TROAP: variants seen among roughly 807,000 people sequenced by gnomAD.
The protein encoded by TROAP is trophinin associated protein, also known as tastin.
Under a neutral mutation model 83.4 loss-of-function variants are expected in TROAP, and 62 were observed. That is an observed-to-expected ratio of 0.74 (90% confidence interval 0.61 to 0.92). The LOEUF (loss-of-function observed/expected upper bound fraction) is 0.92, where lower values mean the gene tolerates loss of function less well. TROAP is among the 40% of genes least tolerant of loss of function. The pLI, the probability that TROAP is intolerant of heterozygous loss-of-function variation, is 0.00. For missense variants in TROAP, 876 were observed against 985.1 expected (o/e 0.89, Z 1.48); for synonymous variants, 352 against 386.4 (o/e 0.91, Z 1.04).
chr12:49,331,122 T>C lies in TROAP; in HGVS notation c.2099-92T>C, dbSNP rs760576758. 131 of 1,572,902 alleles carry C rather than the reference T, an allele frequency of 8.3e-5. 2 individuals carry two copies. The South Asian group carries it at 1.4e-3, about 17-fold the overall frequency. ...GCACTTCCAGCCCTGTGCTCCTAAT[T>C]GGCTTGGCCGTTGGTGGGGGAGGAG... On this transcript the variant is annotated intron_variant, in intron 13 of 14. Coordinates refer to ENST00000257909, the MANE Select transcript of TROAP (RefSeq NM_005480.4).
In TROAP at chr12:49,329,863, G is replaced by A. The variant is rs1592313386; in HGVS notation, c.1171G>A (p.Val391Ile). 6.2e-7 allele frequency: 1 copy of A among 1,613,872 alleles called. No homozygotes were observed. The highest frequency in any genetic ancestry group is 8.5e-7 in the Non-Finnish European group (1 of 1,179,894). Residue 391 changes from valine (V) to isoleucine (I), a missense_variant, in exon 12 of 15, where the codon GTT becomes ATT. Physicochemically the swap from Val to Ile is conservative, Grantham distance 29. Transcript: ENST00000257909. The surrounding 1 kb of genome is among the most constrained non-coding windows in gnomAD (Gnocchi z 4.5). ...SEDPALPWEQ[V>I]AVRLFDQESC... ...CCTTGTTCCTTGGTGACAGGAGCAGGTTGCCGTCCGGTTGTTTGACCAGGA... is the reference window on the plus strand; with the variant it reads ...CCTTGTTCCTTGGTGACAGGAGCAGATTGCCGTCCGGTTGTTTGACCAGGA...
In TROAP at chr12:49,323,767, A is replaced by G. The variant is rs1369959887; in HGVS notation, c.144+15A>G. 2.5e-6 allele frequency: 4 copies of G among 1,614,062 alleles called. No individual in the cohort carries two copies. Among genetic ancestry groups the G allele is most frequent in the Non-Finnish European group, 3.4e-6 (4 of 1,180,004 alleles). On this transcript the variant is annotated intron_variant, in intron 2 of 14. Transcript: ENST00000257909. The stretch of plus-strand genomic sequence containing the variant: ...AAGATCCAAGGGTAAGAGGGGCCTA[A>G]TGGGGGAAGACAGTAGTCACACCAG...
Position 49,329,748 on chromosome 12 carries a change from G to A in TROAP, c.1165-109G>A. On this transcript the variant is annotated intron_variant, in intron 11 of 14. Transcript: ENST00000257909. The surrounding 1 kb of genome is among the most constrained non-coding windows in gnomAD (Gnocchi z 4.5). ...TGCTGCCCCTCCTAATGTACATCTA[G>A]GGCCTCTCAGTTAGGGGCTTCAATC... The A allele has an allele frequency of 6.8e-7, 1 of 1,468,446 alleles. No homozygotes were observed. The highest frequency in any genetic ancestry group is 1.3e-5 in the South Asian group (1 of 74,860). 91.0% of individuals were successfully genotyped at this position (1,468,446 alleles called of 1,614,324 possible). A position where few individuals can be genotyped will look rare whatever the true frequency, so the allele number is the denominator to read the frequency against.
rs1943489771 is a variant in TROAP, at chr12:49,325,761, T to A, written c.510T>A (p.Ser170=). Residue 170 remains serine, a synonymous_variant, in exon 5 of 15, where the codon TCT becomes TCA. Coordinates refer to ENST00000257909, the MANE Select transcript of TROAP (RefSeq NM_005480.4). The part of the protein sequence containing the change: ...TTQRVQGVRA[S]AYLAPRTPTH... ...TGGTGTCCCAGGGTGTTCGGGCCTC[T>A]GCATATTTGGCCCCCAGAACCCCCA... 6.2e-7 allele frequency: 1 copy of A among 1,613,754 alleles called. No homozygotes were observed. Among genetic ancestry groups the A allele is most frequent in the African/African-American group, 1.3e-5 (1 of 74,930 alleles).
At position 49,328,732 on chromosome 12, in the gene TROAP, C is replaced by T. The variant is rs1159918224; in HGVS notation, c.892-195C>T. The stretch of plus-strand genomic sequence containing the variant: ...ACAAAAAATTAGCCGGGCATGGTGG[C>T]GGGCACCTGTAGTCCCAGCTACTCG... On this transcript the variant is annotated intron_variant, in intron 8 of 14. Coordinates refer to ENST00000257909, the MANE Select transcript of TROAP (RefSeq NM_005480.4). Among the ~76,000 whole-genome samples, 7 of 151,994 alleles carry T rather than the reference C, an allele frequency of 4.6e-5. No individual in the cohort carries two copies. In the South Asian group the frequency reaches 1.0e-3, roughly 23 times the overall value.
At position 49,331,696 on chromosome 12, in the gene TROAP, C is replaced by A; in HGVS notation, c.*79C>A. On this transcript the variant is annotated 3_prime_UTR_variant, in exon 15 of 15. Coordinates refer to ENST00000257909, the MANE Select transcript of TROAP (RefSeq NM_005480.4). ...GTCGGTCTGCCCATGGGACTGGGAG[C>A]CGCCCACTTTTGTCCTCAATAAAGT... 2 of 1,580,742 alleles carry A rather than the reference C, an allele frequency of 1.3e-6. No homozygotes were observed. The highest frequency in any genetic ancestry group is 1.7e-6 in the Non-Finnish European group (2 of 1,152,608).
Position 49,329,730 on chromosome 12 carries a change from C to A in TROAP, c.1165-127C>A. On this transcript the variant is annotated intron_variant, in intron 11 of 14. Transcript: ENST00000257909. This position sits in a 1 kb window ranked among gnomAD's most constrained non-coding sequence, Gnocchi z 4.5. ...TAACTCTCACTGCTTCTCTGCTGCCCCTCCTAATGTACATCTAGGGCCTCT... is the reference window on the plus strand; with the variant it reads ...TAACTCTCACTGCTTCTCTGCTGCCACTCCTAATGTACATCTAGGGCCTCT... 1 of 1,369,680 alleles carries A rather than the reference C, an allele frequency of 7.3e-7. No homozygotes were observed. 84.8% of individuals were successfully genotyped at this position (1,369,680 alleles called of 1,614,324 possible).
chr12:49,331,047 C>A (rs763091463), intron 13 of TROAP, 104 bp downstream of exon 13: 1 of 1,548,648 alleles, frequency 6.5e-7, no homozygotes, highest in South Asian at 1.1e-5. Context: ...TGCTTCCACA[C>A]CTTCCACCCT....
Position 49,324,053 on chromosome 12 carries a change from A to G in TROAP, c.337+16A>G. The G allele has an allele frequency of 1.9e-6, 3 of 1,612,112 alleles. No individual in the cohort carries two copies. The East Asian group carries it at 6.7e-5, about 36-fold the overall frequency. ...GCCCAGACAGGTACCTGTTGGAGCCATGGTAACACGGCCTCCATGGCTGAG... is the reference window on the plus strand; with the variant it reads ...GCCCAGACAGGTACCTGTTGGAGCCGTGGTAACACGGCCTCCATGGCTGAG... On this transcript the variant is annotated intron_variant, in intron 3 of 14. Transcript: ENST00000257909.
At chr12:49,324,062 C>A in intron 3 of TROAP, 25 bp downstream of exon 3, 1 of 1,611,578 alleles carries the variant, frequency 6.2e-7, no homozygotes, top group Non-Finnish European at 8.5e-7. Context: ...CATGGTAACA[C>A]GGCCTCCATG....
Position 49,331,271 on chromosome 12 carries a change from T to C in TROAP, c.2156T>C (p.Leu719Ser), listed in dbSNP as rs545155075. The C allele has an allele frequency of 9.6e-5, 155 of 1,614,200 alleles. 1 individual carries two copies. In the Middle Eastern group the frequency reaches 1.3e-3, roughly 14 times the overall value. The change falls in exon 14 of 15, where the codon TTA becomes TCA. Residue 719 changes from leucine to serine, a missense_variant. Leu to Ser is a moderately radical substitution (Grantham distance 145). This residue lies in a region of TROAP where 184 missense variants were observed against 238.3 expected (regional missense o/e 0.77). Coordinates refer to ENST00000257909, the MANE Select transcript of TROAP (RefSeq NM_005480.4). The stretch of plus-strand genomic sequence containing the variant: ...CTGAGGGAGCGCCTCAAATCGTGTT[T>C]AACCGCCATCCACTGCTTCCACGAG... Reference protein sequence around the residue: ...LALRERLKSCLTAIHCFHEAR... With the variant: ...LALRERLKSCSTAIHCFHEAR...
At chr12:49,324,346 AAAATAAAT>A (rs562607745) in intron 3 of TROAP, 6 of 583,276 alleles carry the variant, frequency 1.0e-5, no homozygotes, top group Non-Finnish European at 1.8e-5. Context: ...ATCTCTTTAA[AAAATAAAT>A]AAATAAATAA....
chr12:49,329,006 C>T lies in TROAP; in HGVS notation c.971C>T (p.Ser324Leu). 1 of 1,611,536 alleles carries T rather than the reference C, an allele frequency of 6.2e-7. No individual in the cohort carries two copies. Among genetic ancestry groups the T allele is most frequent in the Non-Finnish European group, 8.5e-7 (1 of 1,178,340 alleles). ...CCTGGCCATGTGGTGCCATGTCCATCACCCTTTGGACGGGCTCAGCGTGTA... is the reference window on the plus strand; with the variant it reads ...CCTGGCCATGTGGTGCCATGTCCATTACCCTTTGGACGGGCTCAGCGTGTA... Reference protein sequence around the residue: ...PLPGHVVPCPSPFGRAQRVPS... With the variant: ...PLPGHVVPCPLPFGRAQRVPS... Residue 324 changes from serine (S) to leucine (L), a missense_variant, in exon 9 of 15, where the codon TCA becomes TTA. Physicochemically the swap from Ser to Leu is moderately radical, Grantham distance 145. Around this residue, in one of 3 missense-constraint regions of TROAP, gnomAD observed 689 missense variants for 722.6 expected, o/e 0.95. Transcript: ENST00000257909. The surrounding 1 kb of genome is among the most constrained non-coding windows in gnomAD (Gnocchi z 4.5).
rs1416218083 is a variant in TROAP at position 49,326,143 on chromosome 12, C to T, written c.701C>T (p.Thr234Ile). Residue 234 changes from threonine to isoleucine, a missense_variant, in exon 6 of 15, where the codon ACA becomes ATA. Around this residue, in one of 3 missense-constraint regions of TROAP, gnomAD observed 689 missense variants for 722.6 expected, o/e 0.95. Transcript: ENST00000257909. The stretch of plus-strand genomic sequence containing the variant: ...AGTTTCCAGGAGCTAAGAAGGGAGA[C>T]AGCTGGCAGCAGCCGGTGAGAAAGG... ...RPSFQELRRE[T>I]AGSSRTSVSQ... 1.2e-6 allele frequency: 2 copies of T among 1,613,976 alleles called. No individual in the cohort carries two copies. Among genetic ancestry groups the T allele is most frequent in the South Asian group, 1.1e-5 (1 of 91,076 alleles).
rs1258265062 is a variant in TROAP, at chr12:49,330,366, G to A, written c.1521G>A (p.Glu507=). 1 of 1,614,158 alleles carries A rather than the reference G, an allele frequency of 6.2e-7. No homozygotes were observed. Among genetic ancestry groups the A allele is most frequent in the South Asian group, 1.1e-5 (1 of 91,090 alleles). The change falls in exon 13 of 15, where the codon GAG becomes GAA. Residue 507 remains glutamate (E), a synonymous_variant. Transcript: ENST00000257909. The part of the protein sequence containing the change: ...HSGLPKPCLP[E]ECGEPQPCPP... ...GGCTGCCAAAGCCCTGTCTTCCAGAGGAGTGCGGGGAACCACAGCCCTGCC... is the reference window on the plus strand; with the variant it reads ...GGCTGCCAAAGCCCTGTCTTCCAGAAGAGTGCGGGGAACCACAGCCCTGCC...
chr12:49,329,628 C>T lies in TROAP; in HGVS notation c.1164+174C>T. 1 of 982,574 alleles carries T rather than the reference C, an allele frequency of 1.0e-6. No individual in the cohort carries two copies. The highest frequency in any genetic ancestry group is 1.5e-6 in the Non-Finnish European group (1 of 664,894). The allele number at this position is 982,574 out of a possible 1,614,324, so 60.9% of individuals were successfully genotyped here. A position where few individuals can be genotyped will look rare whatever the true frequency, so the allele number is the denominator to read the frequency against. On this transcript the variant is annotated intron_variant, in intron 11 of 14. Transcript: ENST00000257909. This position sits in a 1 kb window ranked among gnomAD's most constrained non-coding sequence, Gnocchi z 4.5. ...ATTGCTTGAGCTCAGATCTTTGAGA[C>T]CAGCCTGGGCAACATAGTGAGACCC...
Position 49,327,131 on chromosome 12 carries a change from C to T in TROAP, c.770-78C>T, listed in dbSNP as rs1336504724. The T allele has an allele frequency of 4.4e-6, 7 of 1,582,820 alleles. No homozygotes were observed. The East Asian group carries it at 1.1e-4, about 25-fold the overall frequency. On this transcript the variant is annotated intron_variant, in intron 7 of 14. Coordinates refer to ENST00000257909, the MANE Select transcript of TROAP (RefSeq NM_005480.4). ...GGGGCCTATTAAACTAATATACCCT[C>T]TTCAGAAGTTGCAGAACACTGTGCC...
chr12:49,330,568 C>G lies in TROAP; in HGVS notation c.1723C>G (p.Leu575Val). Residue 575 changes from leucine to valine, a missense_variant, in exon 13 of 15, where the codon CTT becomes GTT. Coordinates refer to ENST00000257909, the MANE Select transcript of TROAP (RefSeq NM_005480.4). ...EIPESSRQEQLEVPEPCPPAE... is the reference protein window; with the variant it reads ...EIPESSRQEQVEVPEPCPPAE... ...ACCGGAGTCCTCTCGCCAGGAACAG[C>G]TTGAGGTACCTGAGCCCTGCCCTCC... 6.2e-7 allele frequency: 1 copy of G among 1,613,902 alleles called. No individual in the cohort carries two copies. The highest frequency in any genetic ancestry group is 8.5e-7 in the Non-Finnish European group (1 of 1,179,930).
chr12:49,324,360 A>C, intron 3 of TROAP: 3 of 536,924 alleles, frequency 5.6e-6, no homozygotes, highest in Non-Finnish European at 6.4e-6. Context: ...TAAATAAATA[A>C]ATAAATAATA....
Sources: allele counts gnomAD v4.1 joint callset (sites outside exome capture counted in the v4.1 genomes callset), GRCh38; gene constraint gnomAD v4.1.1; regional missense constraint gnomAD v4.1.1; non-coding constraint Gnocchi (gnomAD v3.1); transcripts MANE v1.5; gene names NCBI Gene and HGNC (gene_info 2026-07-23, HGNC 2026-07-21).